The following DNASE1 variants were observed in gnomAD, a reference collection of about 807,000 sequenced individuals.
DNASE1 encodes deoxyribonuclease 1, also known as deoxyribonuclease-1.
Under a neutral mutation model 33.9 loss-of-function variants are expected in DNASE1, and 40 were observed. That is an observed-to-expected ratio of 1.18 (90% CI 0.92 to 1.54). DNASE1 has a LOEUF of 1.54. Among genes scored for constraint, DNASE1 ranks in the 40% most tolerant of loss-of-function variants. The pLI is 0.00. For synonymous variants in DNASE1, 216 were observed against 160.0 expected (o/e 1.35, Z -2.64); for missense variants, 518 against 372.6 (o/e 1.39, Z -3.21).
chr16:3,658,010 G>A lies in DNASE1; in HGVS notation c.*57G>A, dbSNP rs2042813338. 1.2e-6 allele frequency: 2 copies of A among 1,611,618 alleles called. No individual in the cohort carries two copies. Among genetic ancestry groups the A allele is most frequent in the Admixed American group, 3.4e-5 (2 of 59,526 alleles). On this transcript the variant is annotated 3_prime_UTR_variant, in exon 9 of 9. Coordinates refer to ENST00000246949, the MANE Select transcript of DNASE1 (RefSeq NM_005223.4). The stretch of plus-strand genomic sequence containing the variant: ...GAAGAGAGGACCCATCCTGCCACAG[G>A]ACCCAGAAAAAAAGCCCAACACACA...
chr16:3,654,743 G>C lies in DNASE1; in HGVS notation c.-303G>C. On this transcript the variant is annotated 5_prime_UTR_variant, in exon 1 of 9. Coordinates refer to ENST00000246949, the MANE Select transcript of DNASE1 (RefSeq NM_005223.4). ...TGCTTACAGAAAGAAACACGTGCTA[G>C]CAACCCACCTATGCGGAAAGCCACA... is the stretch of plus-strand genomic sequence containing the variant. The C allele has an allele frequency of 2.5e-6, 1 of 399,430 alleles. No homozygotes were observed. Among genetic ancestry groups the C allele is most frequent in the Non-Finnish European group, 4.4e-6 (1 of 226,726 alleles). The allele number at this position is 399,430 out of a possible 1,614,324, so 24.7% of individuals were successfully genotyped here.
At chr16:3,640,013 C>A (rs1488115741), upstream of DNASE1, among the ~76,000 whole-genome samples, 1 of 152,210 alleles carries the variant, frequency 6.6e-6, no homozygotes. Context: ...TTAGAGACTT[C>A]TGAACTTTTC....
chr16:3,643,963 G>A (rs939140242), intron 1 of DNASE1, among the ~76,000 whole-genome samples: 72 of 152,088 alleles, frequency 4.7e-4, no homozygotes, highest in Middle Eastern at 3.4e-3. Flanking sequence ...GGGTTTCACC[G>A]TGTTAGCCAG....
chr16:3,636,164 T>C (rs939937050), intron 1 of DNASE1, among the ~76,000 whole-genome samples: 2 of 152,212 alleles, frequency 1.3e-5, no homozygotes, highest in Admixed American at 6.5e-5. Context: ...AAGTTGCTAC[T>C]GACATTTTTT....
rs1185545286 is a variant in DNASE1, at chr16:3,630,664, T to G, written c.-1358-10051T>G. ...TAATAGAGCCCTGCTCTCTTTTGGT[T>G]AGTGTTTGCATGGAATATGTTTTTC... On this transcript the variant is annotated intron_variant and NMD_transcript_variant, in intron 1 of 11. Transcript: ENST00000570769. 2.0e-5 allele frequency among the ~76,000 whole-genome samples: 3 copies of G among 152,224 alleles called. No homozygotes were observed. In the South Asian group the frequency reaches 6.2e-4, roughly 32 times the overall value.
At chr16:3,624,166 A>G (rs1174886586) in intron 1 of DNASE1, among the ~76,000 whole-genome samples, 1 of 151,348 alleles carries the variant, frequency 6.6e-6, no homozygotes, top group Non-Finnish European at 1.5e-5. Flanking sequence ...AATCCCAGGA[A>G]GCTGAGGCAG....
At chr16:3,631,819 G>C (rs1391593935) in intron 1 of DNASE1, among the ~76,000 whole-genome samples, 1 of 152,090 alleles carries the variant, frequency 6.6e-6, no homozygotes, top group African/African-American at 2.4e-5. Context: ...CACTGTACCC[G>C]GCCATGGATT....
intron 1 of DNASE1, among the ~76,000 whole-genome samples, chr16:3,635,509 C>T (rs1185073813): frequency 6.7e-6 from 1 of 149,958 alleles, no homozygotes; most frequent in East Asian, 1.9e-4. Flanking sequence ...TTTGCCTTCA[C>T]TTATTTATTC....
chr16:3,616,150 G>T (rs1465867907), intron 1 of DNASE1, among the ~76,000 whole-genome samples: 2 of 152,194 alleles, frequency 1.3e-5, no homozygotes, highest in Non-Finnish European at 1.5e-5. Flanking sequence ...ATTTCTTTCA[G>T]TGTGCTGCCT....
At chr16:3,654,625 C>T (rs1044867541), upstream of DNASE1, 16 of 398,910 alleles carry the variant, frequency 4.0e-5, no homozygotes, top group Non-Finnish European at 5.3e-5. Flanking sequence ...GCAAGGGACA[C>T]GGGATAGGAA....
At chr16:3,661,771 G>A (rs1191200062), downstream of DNASE1, 4 of 473,394 alleles carry the variant, frequency 8.4e-6, no homozygotes, top group Middle Eastern at 4.9e-4. Flanking sequence ...GCTGGGATGT[G>A]GCTAACCTCC....
chr16:3,654,647 G>A (rs1262934205), upstream of DNASE1: 9 of 398,942 alleles, frequency 2.3e-5, no homozygotes, highest in Non-Finnish European at 4.0e-5. Flanking sequence ...CTTTGGCCTT[G>A]TTATCAGACA....
chr16:3,637,830 C>T lies in DNASE1; in HGVS notation c.-1358-2885C>T, dbSNP rs79003530. On this transcript the variant is annotated intron_variant and NMD_transcript_variant, in intron 1 of 11. Coordinates refer to the DNASE1 transcript ENST00000570769. ...ATGAATTGCTGTGTAAATTTTCCTA[C>T]CCTCGTTTCCACTCCTGGGCTCCTG... Among the ~76,000 whole-genome samples, 558 of 152,198 alleles carry T rather than the reference C, an allele frequency of 3.7e-3. 2 individuals carry two copies. Among genetic ancestry groups the T allele is most frequent in the African/African-American group, 0.012 (514 of 41,510 alleles).
chr16:3,655,792 T>C, intron 2 of DNASE1, 57 bp from the exon 3 acceptor site: 1 of 1,599,526 alleles, frequency 6.3e-7, no homozygotes. Flanking sequence ...TTTGTGGCGC[T>C]GTAGGGTCCC....
At chr16:3,619,924 T>TC (rs1374122485) in intron 1 of DNASE1, among the ~76,000 whole-genome samples, 2 of 151,464 alleles carry the variant, frequency 1.3e-5, no homozygotes, top group African/African-American at 4.8e-5. Flanking sequence ...TTTCTTTTTT[T>TC]TTTTTTTTTG....
At chr16:3,659,822 C>A (rs1261666699), downstream of DNASE1, 1 of 152,004 alleles carries the variant, frequency 6.6e-6, no homozygotes, top group African/African-American at 2.4e-5. Context: ...ATGGCATGAT[C>A]TTGGCTCACC....
At chr16:3,635,653 GTCTCT>G (rs1390984698) in intron 1 of DNASE1, among the ~76,000 whole-genome samples, 1 of 150,726 alleles carries the variant, frequency 6.6e-6, no homozygotes, top group Non-Finnish European at 1.5e-5. Flanking sequence ...TTCTGAGAAA[GTCTCT>G]TCTCTTTTGA....
At chr16:3,628,763 G>A (rs2151173543) in intron 1 of DNASE1, among the ~76,000 whole-genome samples, 1 of 148,820 alleles carries the variant, frequency 6.7e-6, no homozygotes. Context: ...GTTTCACCGT[G>A]TTAGCCAGGA....
intron 1 of DNASE1, among the ~76,000 whole-genome samples, chr16:3,629,842 C>T (rs2041639042): frequency 6.6e-6 from 1 of 152,108 alleles, no homozygotes; most frequent in South Asian, 2.1e-4. Context: ...AAAACAGAGT[C>T]TTGCTCTGTT....
Sources: allele counts gnomAD v4.1 joint callset (sites outside exome capture counted in the v4.1 genomes callset), GRCh38; gene constraint gnomAD v4.1.1; transcripts MANE v1.5; gene names NCBI Gene and HGNC (gene_info 2026-07-23, HGNC 2026-07-21).